ADAM22: variants seen among roughly 807,000 people sequenced by gnomAD.
The protein encoded by ADAM22 is disintegrin and metalloproteinase domain-containing protein 22.
Under a neutral mutation model 144.6 loss-of-function variants are expected in ADAM22, and 65 were observed. The observed-to-expected ratio is 0.45, with a 90% CI of 0.37 to 0.55. The LOEUF (loss-of-function observed/expected upper bound fraction) is 0.55. ADAM22 is among the 20% of genes least tolerant of loss of function. ADAM22 has a pLI of 0.00. For synonymous variants in ADAM22, 391 were observed against 412.6 expected, an observed-to-expected ratio of 0.95 and a Z score of 0.63; for missense variants, 974 against 1,184.9, an observed-to-expected ratio of 0.82 and a Z score of 2.61.
intron 15 of ADAM22, among the ~76,000 whole-genome samples, chr7:88,144,845 T>C (rs908882461): frequency 6.6e-6 from 1 of 152,036 alleles, no homozygotes; most frequent in African/African-American, 2.4e-5. Flanking sequence ...ATCTTTAATT[T>C]TGATGACATT....
intron 22 of ADAM22, among the ~76,000 whole-genome samples, chr7:88,156,823 C>A (rs1290366658): frequency 6.6e-6 from 1 of 151,682 alleles, no homozygotes; most frequent in Non-Finnish European, 1.5e-5. Context: ...GTAGTCCAAC[C>A]TCAGTGGTAC....
chr7:88,011,802 G>A (rs577382160), intron 3 of ADAM22, among the ~76,000 whole-genome samples: 1 of 150,210 alleles, frequency 6.7e-6, no homozygotes, highest in South Asian at 2.1e-4. Context: ...GTTTGCTGCA[G>A]TTTGAATGAT....
intron 2 of ADAM22, among the ~76,000 whole-genome samples, chr7:87,942,413 C>T (rs947623296): frequency 6.6e-6 from 1 of 152,068 alleles, no homozygotes; most frequent in Non-Finnish European, 1.5e-5. Context: ...TGAACCTAGG[C>T]ACTTCAGCTC....
At position 87,934,530 on chromosome 7, in the gene ADAM22, C is replaced by T. The variant is rs368718490; in HGVS notation, c.65C>T (p.Pro22Leu). 9 of 1,608,318 alleles carry T rather than the reference C, an allele frequency of 5.6e-6. No individual in the cohort carries two copies. In the African/African-American group the frequency reaches 1.1e-4, roughly 19 times the overall value. The change falls in exon 1 of 32, where the codon CCG (proline) becomes CTG (leucine). Residue 22 changes from proline to leucine, a missense_variant. By Grantham distance (98) the Pro-to-Leu change is moderately conservative (BLOSUM62 -3). This residue lies in a region of ADAM22 where 240 missense variants were observed against 234.3 expected (regional missense o/e 1.02). Coordinates refer to ENST00000413139, the MANE Select transcript of ADAM22 (RefSeq NM_001324418.2). ...LLLCVLGTCP[P>L]ARCGQAGDAS... is the part of the protein sequence containing the mutation. ...CTCTGTGTCCTGGGGACCTGCCCTC[C>T]GGCGCGCTGCGGCCAGGCAGGTAAG...
In ADAM22 at chr7:88,149,103, G is replaced by A. The variant is rs756063955; in HGVS notation, c.1566+46G>A. On this transcript the variant is annotated intron_variant, in intron 18 of 31. Coordinates refer to ENST00000413139, the MANE Select transcript of ADAM22 (RefSeq NM_001324418.2). ...TCTAAAACTTATGGGAAAAAGTGGG[G>A]GTATCTTTAGTGCACTGACCCTCAA... The A allele has an allele frequency of 4.2e-6, 6 of 1,413,386 alleles. No individual in the cohort carries two copies. The South Asian group carries it at 4.7e-5, about 11-fold the overall frequency. The allele number at this position is 1,413,386 out of a possible 1,614,324, so 87.6% of individuals were successfully genotyped here.
intron 3 of ADAM22, among the ~76,000 whole-genome samples, chr7:88,006,038 T>C (rs1584961397): frequency 6.6e-6 from 1 of 152,206 alleles, no homozygotes; most frequent in East Asian, 1.9e-4. Context: ...GTAATAGTCA[T>C]TTTGAAATAT....
At chr7:88,168,331 G>T in intron 25 of ADAM22, 104 bp downstream of exon 25, 2 of 1,171,098 alleles carry the variant, frequency 1.7e-6, no homozygotes, top group Non-Finnish European at 1.3e-6. Context: ...GAATATACTT[G>T]CAATGAAAAT....
chr7:88,181,580 G>T lies in ADAM22; in HGVS notation c.2571G>T (p.Gly857=). Residue 857 remains glycine (G), a synonymous_variant, in exon 28 of 32, where the codon GGG becomes GGT. Coordinates refer to ENST00000413139, the MANE Select transcript of ADAM22 (RefSeq NM_001324418.2). The stretch of plus-strand genomic sequence containing the variant: ...ATATTTCAGACATCTGTGAAAATGG[G>T]CGACCTCGAAGTAACTCTTGGCAAG... The part of the protein sequence containing the change: ...TKHISDICEN[G]RPRSNSWQGN... 6.2e-7 allele frequency: 1 copy of T among 1,613,666 alleles called. No individual in the cohort carries two copies. The highest frequency in any genetic ancestry group is 8.5e-7 in the Non-Finnish European group (1 of 1,179,738).
chr7:87,997,045 T>C (rs1458820881), intron 3 of ADAM22, among the ~76,000 whole-genome samples: 1 of 152,182 alleles, frequency 6.6e-6, no homozygotes, highest in Non-Finnish European at 1.5e-5. Context: ...TCACCTGTCT[T>C]GAAGGAACTG....
intron 6 of ADAM22, among the ~76,000 whole-genome samples, chr7:88,116,461 A>G (rs1358424567): frequency 6.6e-6 from 1 of 152,180 alleles, no homozygotes; most frequent in African/African-American, 2.4e-5. Context: ...CATTTTGCCA[A>G]ATGTCTTATT....
intron 3 of ADAM22, among the ~76,000 whole-genome samples, chr7:88,065,900 ACT>A (rs1373224550): frequency 6.6e-6 from 1 of 152,034 alleles, no homozygotes; most frequent in Non-Finnish European, 1.5e-5. Context: ...ATTCTACAAA[ACT>A]CTATGCTCAC....
intron 4 of ADAM22, among the ~76,000 whole-genome samples, chr7:88,098,532 G>A (rs1403649302): frequency 6.6e-6 from 1 of 152,000 alleles, no homozygotes; most frequent in Non-Finnish European, 1.5e-5. Flanking sequence ...TGCTAGATTA[G>A]GGTGCGCCCT....
chr7:88,105,296 G>A (rs910058631), intron 4 of ADAM22, among the ~76,000 whole-genome samples: 8 of 152,080 alleles, frequency 5.3e-5, no homozygotes, highest in Admixed American at 1.3e-4. Flanking sequence ...ACTTCTAAGA[G>A]AAGAAGGTCT....
chr7:88,190,764 G>A (rs1849434703), intron 30 of ADAM22, among the ~76,000 whole-genome samples: 1 of 152,064 alleles, frequency 6.6e-6, no homozygotes, highest in Non-Finnish European at 1.5e-5. Context: ...TTTCCCTAAA[G>A]TGTTTTACCG....
At chr7:88,063,194 A>C (rs1287378870) in intron 3 of ADAM22, among the ~76,000 whole-genome samples, 1 of 152,208 alleles carries the variant, frequency 6.6e-6, no homozygotes, top group Non-Finnish European at 1.5e-5. Context: ...TGTGAAGCAC[A>C]ATAAAGCAAA....
intron 3 of ADAM22, among the ~76,000 whole-genome samples, chr7:88,048,462 C>T (rs1805289037): frequency 6.6e-6 from 1 of 152,092 alleles, no homozygotes; most frequent in Admixed American, 6.5e-5. Context: ...AATGTATTCA[C>T]TCAAGATTAA....
chr7:88,118,123 G>A (rs1218599009), intron 7 of ADAM22, among the ~76,000 whole-genome samples: 2 of 152,156 alleles, frequency 1.3e-5, no homozygotes, highest in Non-Finnish European at 2.9e-5. Context: ...AGCTAGCAAG[G>A]GGTAAAGTTG....
rs370620710 is a variant in ADAM22 at position 88,193,369 on chromosome 7, TAAG to T, written c.2874+131_2874+133del. 6.3e-4 allele frequency: 715 copies of T among 1,138,106 alleles called. 5 individuals are homozygous for T. The African/African-American group carries it at 9.6e-3, about 15-fold the overall frequency. The allele number at this position is 1,138,106 out of a possible 1,614,324, so 70.5% of individuals were successfully genotyped here. The stretch of plus-strand genomic sequence containing the variant: ...AAAATGAAAAAATCAAACTTGAAAA[TAAG>T]GAGATTCTTGAGACTTTTGGCTTCA... On this transcript the variant is annotated intron_variant, in intron 31 of 31. Transcript: ENST00000413139.
Position 88,131,329 on chromosome 7 carries a change from G to A in ADAM22, c.886G>A (p.Asp296Asn). 6.2e-7 allele frequency: 1 copy of A among 1,613,764 alleles called. No individual in the cohort carries two copies. Among genetic ancestry groups the A allele is most frequent in the Non-Finnish European group, 8.5e-7 (1 of 1,179,852 alleles). Residue 296 changes from aspartate to asparagine, a missense_variant, in exon 11 of 32, where the codon GAC (aspartate) becomes AAC (asparagine). Coordinates refer to ENST00000413139, the MANE Select transcript of ADAM22 (RefSeq NM_001324418.2). ...GGTTGCTATGGAAACCTGGGCGACTGACAACAAGTTTGCCATATCTGAAAA... is the reference window on the plus strand; with the variant it reads ...GGTTGCTATGGAAACCTGGGCGACTAACAACAAGTTTGCCATATCTGAAAA... Reference protein sequence around the residue: ...VLVAMETWATDNKFAISENPL... With the variant: ...VLVAMETWATNNKFAISENPL...
Sources: allele counts gnomAD v4.1 joint callset (sites outside exome capture counted in the v4.1 genomes callset), GRCh38; gene constraint gnomAD v4.1.1; regional missense constraint gnomAD v4.1.1; transcripts MANE v1.5; gene names NCBI Gene and HGNC (gene_info 2026-07-23, HGNC 2026-07-21).